Variants in PAX5 observed in about 807,000 individuals in gnomAD.
The protein encoded by PAX5 is paired box protein Pax-5.
In PAX5, 9 loss-of-function variants were observed where a neutral mutation model predicts 43.7. The ratio of observed to expected loss-of-function variants is 0.21; its 90% CI spans 0.12 to 0.36. The LOEUF is 0.36. Among genes scored for constraint, PAX5 ranks in the 10% least tolerant of loss-of-function variants. The pLI is 1.00. For synonymous variants in PAX5, 228 were observed against 214.3 expected (o/e 1.06, Z -0.56); for missense variants, 383 against 532.7 (o/e 0.72, Z 2.77).
intron 8 of PAX5, among the ~76,000 whole-genome samples, chr9:36,875,805 C>A (rs1372753478): frequency 2.0e-5 from 3 of 152,138 alleles, no homozygotes; most frequent in African/African-American, 4.8e-5. Flanking sequence ...CCAAGGAATG[C>A]CGGCAGCAGC....
chr9:36,997,421 G>T (rs1459498093), intron 5 of PAX5, among the ~76,000 whole-genome samples: 1 of 152,196 alleles, frequency 6.6e-6, no homozygotes, highest in East Asian at 1.9e-4. Flanking sequence ...TTGTGAGGGG[G>T]ACAGGGAGGG....
intron 4 of PAX5, 50 bp from the exon 5 acceptor site, chr9:37,002,826 G>A (rs535490056): frequency 1.3e-6 from 2 of 1,563,344 alleles, no homozygotes; most frequent in Admixed American, 1.9e-5. Context: ...TGAGGGCGGC[G>A]GACCGGCTGT....
intron 5 of PAX5, among the ~76,000 whole-genome samples, chr9:36,986,063 C>CGACCCCCGCCCGG (rs1286445653): frequency 2.4e-4 from 36 of 152,024 alleles, no homozygotes; most frequent in African/African-American, 7.2e-4. Context: ...CAGCTCCGTC[C>CGACCCCCGCCCGG]GACCCCCGCC....
At chr9:36,929,044 T>C (rs1830890257) in intron 6 of PAX5, among the ~76,000 whole-genome samples, 1 of 152,194 alleles carries the variant, frequency 6.6e-6, no homozygotes, top group Non-Finnish European at 1.5e-5. Flanking sequence ...AAGCACATCA[T>C]TGCTGGCTCC....
rs538574677 is a variant in PAX5 at position 36,995,448 on chromosome 9, C to G, written c.604+7200G>C. Among the ~76,000 whole-genome samples, 7 of 152,296 alleles carry G rather than the reference C, an allele frequency of 4.6e-5. No individual in the cohort carries two copies. The East Asian group carries it at 1.2e-3, about 25-fold the overall frequency. On this transcript the variant is annotated intron_variant, in intron 5 of 9. Coordinates refer to ENST00000358127, the MANE Select transcript of PAX5 (RefSeq NM_016734.3). ...CCCGCGAGAGAAGGGCAGGGCTTCTCTCAAGAACTGAGGTCAGTGCGGGGG... is the reference window on the plus strand; with the variant it reads ...CCCGCGAGAGAAGGGCAGGGCTTCTGTCAAGAACTGAGGTCAGTGCGGGGG...
Position 36,835,573 on chromosome 9 carries a change from G to C in PAX5, c.*4987C>G. On this transcript the variant is annotated 3_prime_UTR_variant, in exon 10 of 10. Coordinates refer to ENST00000358127, the MANE Select transcript of PAX5 (RefSeq NM_016734.3). The stretch of plus-strand genomic sequence containing the variant: ...GCAACAGGGGCAAGGGGCTGAAGGG[G>C]CTGCTGGGAGGTGGGGCACGCCGTG... 1 of 233,442 alleles carries C rather than the reference G, an allele frequency of 4.3e-6. No homozygotes were observed. The highest frequency in any genetic ancestry group is 2.2e-5 in the African/African-American group (1 of 45,484). The allele number at this position is 233,442 out of a possible 1,614,324, so 14.5% of individuals were successfully genotyped here.
intron 8 of PAX5, among the ~76,000 whole-genome samples, chr9:36,853,147 G>A (rs962610926): frequency 6.6e-5 from 10 of 152,112 alleles, no homozygotes; most frequent in African/African-American, 2.4e-4. Context: ...TCATTTCCAA[G>A]TAAATGCAAA....
At position 36,835,884 on chromosome 9, in the gene PAX5, G is replaced by A. The variant is rs1821608570; in HGVS notation, c.*4676C>T. ...GGCCTGGCCTGGCCGTGGGGCAGGAGTTGGTTTCCACCCTCCCGGGAAGCT... is the reference window on the plus strand; with the variant it reads ...GGCCTGGCCTGGCCGTGGGGCAGGAATTGGTTTCCACCCTCCCGGGAAGCT... On this transcript the variant is annotated 3_prime_UTR_variant, in exon 10 of 10. Transcript: ENST00000358127. The A allele has an allele frequency of 4.3e-6, 1 of 233,516 alleles. No individual in the cohort carries two copies. The highest frequency in any genetic ancestry group is 2.2e-5 in the African/African-American group (1 of 45,360). 14.5% of individuals were successfully genotyped at this position (233,516 alleles called of 1,614,324 possible). A position where few individuals can be genotyped will look rare whatever the true frequency, so the allele number is the denominator to read the frequency against.
chr9:36,914,497 G>A (rs1019087938), intron 7 of PAX5, among the ~76,000 whole-genome samples: 1 of 152,178 alleles, frequency 6.6e-6, no homozygotes, highest in Non-Finnish European at 1.5e-5. Context: ...CCTTCATTAT[G>A]TCTTGCAGTT....
At chr9:36,922,004 A>G (rs1830210653) in intron 7 of PAX5, among the ~76,000 whole-genome samples, 1 of 152,022 alleles carries the variant, frequency 6.6e-6, no homozygotes, top group South Asian at 2.1e-4. Flanking sequence ...AACGTCTCCC[A>G]CCTCAGGCCT....
intron 2 of PAX5, among the ~76,000 whole-genome samples, chr9:37,016,786 G>T (rs1044077070): frequency 1.1e-4 from 16 of 152,342 alleles, no homozygotes; most frequent in Middle Eastern, 6.8e-3. Flanking sequence ...GGTAGAAAAT[G>T]TTACCCAAGA....
chr9:36,973,379 T>A (rs974031741), intron 5 of PAX5, among the ~76,000 whole-genome samples: 3 of 152,162 alleles, frequency 2.0e-5, no homozygotes, highest in Admixed American at 6.5e-5. Context: ...CTGATGGTCA[T>A]CTGCCACAGG....
intron 8 of PAX5, among the ~76,000 whole-genome samples, chr9:36,876,245 C>T (rs1825902216): frequency 6.6e-6 from 1 of 152,244 alleles, no homozygotes; most frequent in South Asian, 2.1e-4. Context: ...ACACTGCACC[C>T]TCACCTCCTA....
chr9:36,964,406 A>G (rs530583971), intron 6 of PAX5, among the ~76,000 whole-genome samples: 442 of 151,910 alleles, frequency 2.9e-3, no homozygotes, highest in Non-Finnish European at 4.8e-3. Context: ...CCTGGCCAAC[A>G]TGGTGAAACC....
chr9:36,842,775 CG>C (rs1329951734), intron 9 of PAX5, among the ~76,000 whole-genome samples: 1 of 152,124 alleles, frequency 6.6e-6, no homozygotes, highest in African/African-American at 2.4e-5. Flanking sequence ...TTCTTCCTGC[CG>C]GGACCGCAGC....
intron 6 of PAX5, among the ~76,000 whole-genome samples, chr9:36,955,796 T>C (rs1486471785): frequency 6.8e-6 from 1 of 147,462 alleles, no homozygotes; most frequent in Non-Finnish European, 1.5e-5. Flanking sequence ...TATATATATA[T>C]ATATATACCC....
intron 6 of PAX5, among the ~76,000 whole-genome samples, chr9:36,939,861 C>T (rs1368462574): frequency 6.6e-6 from 1 of 152,202 alleles, no homozygotes; most frequent in Admixed American, 6.5e-5. Flanking sequence ...ACGCTGGCGT[C>T]GTGTGGGCGC....
chr9:36,946,292 C>T (rs909282578), intron 6 of PAX5, among the ~76,000 whole-genome samples: 7 of 152,212 alleles, frequency 4.6e-5, no homozygotes, highest in East Asian at 1.9e-4. Context: ...AGCGCTGCCT[C>T]GAGCATTTCC....
At chr9:36,885,087 C>T (rs1295012929) in intron 7 of PAX5, among the ~76,000 whole-genome samples, 1 of 152,180 alleles carries the variant, frequency 6.6e-6, no homozygotes, top group East Asian at 1.9e-4. Context: ...AAACAAAGGG[C>T]CTGGGTTGTT....
Sources: gnomAD v4.1 joint callset for allele counts (sites outside exome capture counted in the v4.1 genomes callset) on GRCh38, gnomAD v4.1.1 for gene constraint, MANE v1.5 for transcripts, NCBI Gene and HGNC (gene_info 2026-07-23, HGNC 2026-07-21) for gene names.